The following ARHGAP32 variants were observed in gnomAD, a reference collection of about 807,000 sequenced individuals.
ARHGAP32 encodes the protein Rho GTPase activating protein 32.
ARHGAP32 carries 51 observed loss-of-function variants against 186.5 expected under a neutral mutation model. That is an observed-to-expected ratio of 0.27 (90% CI 0.22 to 0.35). ARHGAP32 has a LOEUF of 0.35. Ranked by LOEUF, ARHGAP32 falls within the 10% of genes least tolerant of loss-of-function variation. The probability of loss-of-function intolerance (pLI) is 1.00; values close to 1 mark genes in which losing one functional copy is unlikely to be tolerated. For missense variants in ARHGAP32, 2,186 were observed against 2,623.5 expected, an observed-to-expected ratio of 0.83 and a Z score of 3.64; for synonymous variants, 950 against 964.3, an observed-to-expected ratio of 0.99 and a Z score of 0.27.
chr11:129,080,781 A>T (rs1406310061), intron 6 of ARHGAP32, among the ~76,000 whole-genome samples: 1 of 151,946 alleles, frequency 6.6e-6, no homozygotes, highest in African/African-American at 2.4e-5. Context: ...AATTGAAACA[A>T]GAAAAAAAAA....
chr11:129,040,316 T>C (rs1166731261), intron 11 of ARHGAP32, among the ~76,000 whole-genome samples: 1 of 152,086 alleles, frequency 6.6e-6, no homozygotes, highest in African/African-American at 2.4e-5. Context: ...CAAAGCTTTT[T>C]AGACTTTGTT....
intron 11 of ARHGAP32, among the ~76,000 whole-genome samples, chr11:129,038,768 T>C (rs1181332790): frequency 1.3e-5 from 2 of 149,728 alleles, no homozygotes; most frequent in Non-Finnish European, 2.9e-5. Flanking sequence ...GCACGTGTAA[T>C]GTCAGTCATT....
intron 1 of ARHGAP32, among the ~76,000 whole-genome samples, chr11:129,247,702 C>T (rs1945119981): frequency 1.3e-5 from 2 of 152,120 alleles, no homozygotes; most frequent in South Asian, 2.1e-4. Flanking sequence ...ACAACCTTTG[C>T]ATTCTAGTAG....
intron 1 of ARHGAP32, among the ~76,000 whole-genome samples, chr11:129,165,925 T>G (rs766045683): frequency 6.6e-6 from 1 of 151,994 alleles, no homozygotes; most frequent in African/African-American, 2.4e-5. Context: ...AGAAGAGGAA[T>G]ACATAAGAAG....
chr11:129,117,768 C>G (rs760195919), intron 5 of ARHGAP32, among the ~76,000 whole-genome samples: 1 of 151,634 alleles, frequency 6.6e-6, no homozygotes, highest in Non-Finnish European at 1.5e-5. Flanking sequence ...TATCCTTTTC[C>G]CCCCCTACAC....
At chr11:129,195,084 T>C (rs1480982979), upstream of ARHGAP32, among the ~76,000 whole-genome samples, 1 of 151,930 alleles carries the variant, frequency 6.6e-6, no homozygotes, top group African/African-American at 2.4e-5. Context: ...TCCTCCTGCC[T>C]CAGCCTCCCA....
At chr11:129,155,754 G>A (rs2135464289) in intron 2 of ARHGAP32, among the ~76,000 whole-genome samples, 1 of 152,216 alleles carries the variant, frequency 6.6e-6, no homozygotes, top group Non-Finnish European at 1.5e-5. Context: ...TGCTTAAAGA[G>A]TTGATTGAGG....
chr11:129,186,031 A>G (rs1392836179), intron 1 of ARHGAP32, among the ~76,000 whole-genome samples: 1 of 152,114 alleles, frequency 6.6e-6, no homozygotes, highest in Admixed American at 6.6e-5. Context: ...TTTAATTTAA[A>G]AAAAAAGAAA....
chr11:129,157,758 A>G (rs1283928064), intron 2 of ARHGAP32, among the ~76,000 whole-genome samples: 1 of 152,176 alleles, frequency 6.6e-6, no homozygotes, highest in Non-Finnish European at 1.5e-5. Context: ...CGAGAAAAAC[A>G]ACCCCAAGAC....
chr11:128,986,326 C>G (rs779954386), intron 14 of ARHGAP32, among the ~76,000 whole-genome samples, 198 bp downstream of exon 14: 5 of 152,154 alleles, frequency 3.3e-5, no homozygotes, highest in Non-Finnish European at 1.5e-5. Context: ...AGACTAGCAG[C>G]TCAAAGTCAG....
intron 17 of ARHGAP32, 46 bp from the exon 18 acceptor site, chr11:128,980,794 T>C (rs1945686964): frequency 7.1e-7 from 1 of 1,400,960 alleles, no homozygotes; most frequent in Non-Finnish European, 9.9e-7. Flanking sequence ...ACTACGTGAG[T>C]GTATTCAATT....
chr11:129,111,594 G>A (rs1201937253), intron 5 of ARHGAP32, among the ~76,000 whole-genome samples: 2 of 152,102 alleles, frequency 1.3e-5, no homozygotes, highest in African/African-American at 4.8e-5. Flanking sequence ...GGTATGTTCC[G>A]GTTTTCTAAG....
intron 1 of ARHGAP32, among the ~76,000 whole-genome samples, chr11:129,265,108 C>T (rs1945378275): frequency 6.6e-6 from 1 of 152,198 alleles, no homozygotes; most frequent in Non-Finnish European, 1.5e-5. Flanking sequence ...AATGGATAAA[C>T]ATCTTGCTCT....
chr11:129,086,241 G>A (rs968691560), intron 6 of ARHGAP32, among the ~76,000 whole-genome samples: 3 of 152,110 alleles, frequency 2.0e-5, no homozygotes, highest in Non-Finnish European at 4.4e-5. Flanking sequence ...ACAAGAAAAC[G>A]ATTCTAGACA....
chr11:129,122,270 A>C (rs937769408), intron 5 of ARHGAP32, among the ~76,000 whole-genome samples: 1 of 151,950 alleles, frequency 6.6e-6, no homozygotes, highest in African/African-American at 2.4e-5. Context: ...ATTTCTTTTC[A>C]ATTTGCTAAA....
intron 9 of ARHGAP32, 137 bp downstream of exon 9, chr11:129,063,765 G>T: frequency 1.0e-6 from 1 of 971,486 alleles, no homozygotes; most frequent in Non-Finnish European, 1.5e-6. Context: ...GATATTACAG[G>T]CTGAAATATA....
intron 6 of ARHGAP32, among the ~76,000 whole-genome samples, chr11:129,080,228 A>C (rs1327524988): frequency 6.6e-6 from 1 of 152,148 alleles, no homozygotes; most frequent in Non-Finnish European, 1.5e-5. Flanking sequence ...TAATGGACTT[A>C]AACTATACCC....
At chr11:129,135,305 T>C (rs1942911087) in intron 2 of ARHGAP32, among the ~76,000 whole-genome samples, 1 of 152,204 alleles carries the variant, frequency 6.6e-6, no homozygotes, top group Non-Finnish European at 1.5e-5. Context: ...GACAGTGTGG[T>C]ATCTGGTCTA....
intron 5 of ARHGAP32, among the ~76,000 whole-genome samples, chr11:129,121,071 A>C (rs566556776): frequency 6.6e-6 from 1 of 152,276 alleles, no homozygotes; most frequent in South Asian, 2.1e-4. Flanking sequence ...CTATGTAAAA[A>C]GCAAGATGTT....
Sources: gnomAD v4.1 joint callset for allele counts (sites outside exome capture counted in the v4.1 genomes callset) on GRCh38, gnomAD v4.1.1 for gene constraint, MANE v1.5 for transcripts, NCBI Gene and HGNC (gene_info 2026-07-23, HGNC 2026-07-21) for gene names.